KIAA0319L: variants seen among roughly 807,000 people sequenced by gnomAD.
KIAA0319L encodes dyslexia-associated protein KIAA0319-like protein.
In KIAA0319L, 55 loss-of-function variants were observed where a neutral mutation model predicts 120.1. That is an observed-to-expected ratio of 0.46 (90% CI 0.37 to 0.57). The LOEUF (loss-of-function observed/expected upper bound fraction) is 0.57, where lower values mean the gene tolerates loss of function less well. Ranked by LOEUF, KIAA0319L falls within the 20% of genes least tolerant of loss-of-function variation. The pLI is 0.00. For missense variants in KIAA0319L, 1,049 were observed against 1,255.3 expected, an observed-to-expected ratio of 0.84 and a Z score of 2.48; for synonymous variants, 398 against 471.9, an observed-to-expected ratio of 0.84 and a Z score of 2.03.
At chr1:35,473,087 T>TC (rs1643732991) in intron 5 of KIAA0319L, among the ~76,000 whole-genome samples, 1 of 142,116 alleles carries the variant, frequency 7.0e-6, no homozygotes, top group Non-Finnish European at 1.5e-5. Context: ...AGCCTTTTTT[T>TC]TTTTTTTTTT....
rs552653205 is a variant in KIAA0319L at position 35,470,153 on chromosome 1, G to A, written c.1113+710C>T. Among the ~76,000 whole-genome samples, 567 of 152,048 alleles carry A rather than the reference G, an allele frequency of 3.7e-3. 2 individuals are homozygous for A. The highest frequency in any genetic ancestry group is 5.9e-3 in the Admixed American group (90 of 15,282). ...CTCCCAAAGTGCTTGGATTACAGGC[G>A]GGAGCCACTGCGCCCAGCCAAATAC... On this transcript the variant is annotated intron_variant, in intron 6 of 20. Transcript: ENST00000325722.
At chr1:35,461,658 T>C (rs886346925) in intron 8 of KIAA0319L, among the ~76,000 whole-genome samples, 1 of 152,216 alleles carries the variant, frequency 6.6e-6, no homozygotes, top group African/African-American at 2.4e-5. Context: ...ACCGGACACT[T>C]AGGACACACG....
intron 3 of KIAA0319L, among the ~76,000 whole-genome samples, chr1:35,492,796 C>G (rs1196877240): frequency 6.6e-6 from 1 of 152,140 alleles, no homozygotes; most frequent in Non-Finnish European, 1.5e-5. Flanking sequence ...AGACTTATAG[C>G]TGACTTACAG....
rs556038840 is a variant in KIAA0319L at position 35,462,711 on chromosome 1, G to T, written c.1204C>A (p.Pro402Thr). The change falls in exon 8 of 21, where the codon CCC becomes ACC. Residue 402 changes from proline (P) to threonine (T), a missense_variant and splice_region_variant. By Grantham distance (38) the Pro-to-Thr change is conservative (BLOSUM62 -1). Coordinates refer to ENST00000325722, the MANE Select transcript of KIAA0319L (RefSeq NM_024874.5). ...GYVNVTVKPE[P>T]RKNRPPIAIV... The stretch of plus-strand genomic sequence containing the variant: ...GCAATGGGGGGCCGATTCTTACGGG[G>T]CTCTGCAAGAAAGTGACCCAAAAGA... The T allele has an allele frequency of 1.9e-6, 3 of 1,613,452 alleles. No individual in the cohort carries two copies. The highest frequency in any genetic ancestry group is 2.5e-6 in the Non-Finnish European group (3 of 1,179,410).
intron 3 of KIAA0319L, among the ~76,000 whole-genome samples, chr1:35,489,670 GT>G (rs774142930): frequency 2.4e-3 from 347 of 142,518 alleles, no homozygotes; most frequent in Non-Finnish European, 2.7e-3. Context: ...GTTTCTTTGG[GT>G]TTTTTTTTTT....
intron 2 of KIAA0319L, among the ~76,000 whole-genome samples, chr1:35,527,226 C>A (rs182039787): frequency 1.3e-5 from 2 of 150,424 alleles, no homozygotes; most frequent in East Asian, 1.9e-4. Flanking sequence ...TCCTTGCATC[C>A]CTGGGATAAA....
rs556632449 is a variant in KIAA0319L at position 35,517,652 on chromosome 1, T to G, written c.143-10517A>C. Among the ~76,000 whole-genome samples, 4 of 152,192 alleles carry G rather than the reference T, an allele frequency of 2.6e-5. 1 individual carries two copies. In the South Asian group the frequency reaches 8.3e-4, roughly 32 times the overall value. On this transcript the variant is annotated intron_variant, in intron 2 of 20. Coordinates refer to ENST00000325722, the MANE Select transcript of KIAA0319L (RefSeq NM_024874.5). ...CCTAGGCAATACCATCCTAGGAACA[T>G]AGAAACAGACAAAGATTTCATGATA...
In KIAA0319L at chr1:35,470,845, G is replaced by C; in HGVS notation, c.1113+18C>G. 1 of 1,514,630 alleles carries C rather than the reference G, an allele frequency of 6.6e-7. No homozygotes were observed. The allele number at this position is 1,514,630 out of a possible 1,614,324, so 93.8% of individuals were successfully genotyped here. On this transcript the variant is annotated intron_variant, in intron 6 of 20. Coordinates refer to ENST00000325722, the MANE Select transcript of KIAA0319L (RefSeq NM_024874.5). The stretch of plus-strand genomic sequence containing the variant: ...ACTCCTCTACCTTTGCCCTGCAAGT[G>C]AAAGGAGGCAAATTCACCTTCGATA...
chr1:35,546,209 C>A (rs183199719), intron 2 of KIAA0319L, among the ~76,000 whole-genome samples: 2 of 152,026 alleles, frequency 1.3e-5, no homozygotes, highest in Admixed American at 1.3e-4. Flanking sequence ...CCCTGACAAA[C>A]AAAAGATGTA....
At chr1:35,461,650 C>T (rs777442453) in intron 8 of KIAA0319L, among the ~76,000 whole-genome samples, 7 of 152,134 alleles carry the variant, frequency 4.6e-5, no homozygotes, top group Non-Finnish European at 2.9e-5. Flanking sequence ...GGAGGAAAAC[C>T]GGACACTTAG....
At chr1:35,504,321 C>T (rs1033979814) in intron 3 of KIAA0319L, among the ~76,000 whole-genome samples, 1 of 152,032 alleles carries the variant, frequency 6.6e-6, no homozygotes, top group African/African-American at 2.4e-5. Flanking sequence ...CTCAGCCTCC[C>T]GAGTAGCTGG....
intron 20 of KIAA0319L, chr1:35,438,966 G>C (rs1047772397): frequency 1.3e-5 from 2 of 152,376 alleles, no homozygotes; most frequent in African/African-American, 4.8e-5. Context: ...GGCCTTGATC[G>C]CACCACTGCA....
chr1:35,547,692 A>G (rs1380138603), intron 2 of KIAA0319L, among the ~76,000 whole-genome samples: 1 of 152,238 alleles, frequency 6.6e-6, no homozygotes, highest in Non-Finnish European at 1.5e-5. Context: ...AGGCAAATCC[A>G]TAGAGTCAGA....
intron 3 of KIAA0319L, among the ~76,000 whole-genome samples, chr1:35,505,424 A>C (rs1645172399): frequency 6.6e-6 from 1 of 152,204 alleles, no homozygotes; most frequent in African/African-American, 2.4e-5. Context: ...TCTTACCTGC[A>C]CATACACACC....
chr1:35,516,667 C>G lies in KIAA0319L; in HGVS notation c.143-9532G>C, dbSNP rs1275058483. ...CACAAGACAAGGATTCCCTCTTTTACGAATCTTATTCAACACAGTATTAGA... is the reference window on the plus strand; with the variant it reads ...CACAAGACAAGGATTCCCTCTTTTAGGAATCTTATTCAACACAGTATTAGA... On this transcript the variant is annotated intron_variant, in intron 2 of 20. Transcript: ENST00000325722. Among the ~76,000 whole-genome samples the G allele has an allele frequency of 7.2e-5, 11 of 152,246 alleles. No homozygotes were observed. In the East Asian group the frequency reaches 1.2e-3, roughly 16 times the overall value.
chr1:35,493,237 T>G (rs916808128), intron 3 of KIAA0319L, among the ~76,000 whole-genome samples: 2 of 152,154 alleles, frequency 1.3e-5, no homozygotes, highest in African/African-American at 4.8e-5. Flanking sequence ...TGTATTCCTA[T>G]ATACCAGCAA....
intron 2 of KIAA0319L, among the ~76,000 whole-genome samples, chr1:35,529,209 C>T (rs758265397): frequency 2.4e-4 from 36 of 152,192 alleles, no homozygotes; most frequent in Admixed American, 3.3e-4. Context: ...TGGACCAGTC[C>T]ATATCCTTTA....
chr1:35,547,143 T>A (rs901444552), intron 2 of KIAA0319L, among the ~76,000 whole-genome samples: 2 of 146,160 alleles, frequency 1.4e-5, no homozygotes, highest in Admixed American at 1.4e-4. Context: ...TTTATATATG[T>A]AATATATACA....
At chr1:35,549,022 G>A (rs1647094711) in intron 2 of KIAA0319L, among the ~76,000 whole-genome samples, 1 of 151,206 alleles carries the variant, frequency 6.6e-6, no homozygotes, top group Admixed American at 6.6e-5. Flanking sequence ...CTTCTCCTAC[G>A]GTTCCAGTAG....
Sources: allele counts gnomAD v4.1 joint callset (sites outside exome capture counted in the v4.1 genomes callset), GRCh38; gene constraint gnomAD v4.1.1; transcripts MANE v1.5; gene names NCBI Gene and HGNC (gene_info 2026-07-23, HGNC 2026-07-21).